SPAG16: variants seen among roughly 807,000 people sequenced by gnomAD.
SPAG16 encodes sperm-associated antigen 16 protein.
A neutral mutation model predicts 80.4 loss-of-function variants in SPAG16; 86 were observed. The observed-to-expected ratio is 1.07, with a 90% confidence interval of 0.90 to 1.28. The LOEUF (loss-of-function observed/expected upper bound fraction) is 1.28, where lower values mean the gene tolerates loss of function less well. Among genes scored for constraint, SPAG16 ranks in the 50% most tolerant of loss-of-function variants. SPAG16 has a pLI of 0.00. For synonymous variants in SPAG16, 294 were observed against 265.9 expected (o/e 1.11, Z -1.03); for missense variants, 870 against 765.3 (o/e 1.14, Z -1.61).
intron 15 of SPAG16, among the ~76,000 whole-genome samples, chr2:214,372,755 G>C (rs1274107272): frequency 6.6e-6 from 1 of 152,118 alleles, no homozygotes; most frequent in East Asian, 1.9e-4. Context: ...TTAAGGAAAT[G>C]GGATATATGT....
chr2:213,393,206 A>G (rs1014483347), intron 9 of SPAG16, among the ~76,000 whole-genome samples: 8 of 151,984 alleles, frequency 5.3e-5, no homozygotes, highest in Non-Finnish European at 1.2e-4. Flanking sequence ...AGTAAAAAAA[A>G]AATGCTGAGG....
intron 12 of SPAG16, among the ~76,000 whole-genome samples, chr2:213,963,050 TA>T (rs1339878303): frequency 6.6e-6 from 1 of 151,486 alleles, no homozygotes; most frequent in Non-Finnish European, 1.5e-5. Context: ...TTCCTACTGT[TA>T]TTTTGTTTCC....
chr2:213,894,881 T>G (rs1320447063), intron 11 of SPAG16, among the ~76,000 whole-genome samples: 1 of 148,482 alleles, frequency 6.7e-6, no homozygotes, highest in Non-Finnish European at 1.5e-5. Flanking sequence ...TCCCAGATAC[T>G]TGGGAGGCTG....
chr2:213,405,621 C>G (rs905036195), intron 9 of SPAG16, among the ~76,000 whole-genome samples: 7 of 152,186 alleles, frequency 4.6e-5, no homozygotes, highest in Non-Finnish European at 7.4e-5. Context: ...ACCTCTCTGC[C>G]TTTTCTCTCC....
At chr2:213,402,600 T>C (rs10204270) in intron 9 of SPAG16, among the ~76,000 whole-genome samples, 32,722 of 139,840 alleles carry the variant, frequency 0.23, 4,440 homozygotes, top group Non-Finnish European at 0.32. Context: ...CAACAGTCCC[T>C]GGAGTGTGAT....
chr2:213,671,960 G>C (rs1319885046), intron 10 of SPAG16, among the ~76,000 whole-genome samples: 1 of 152,118 alleles, frequency 6.6e-6, no homozygotes, highest in Non-Finnish European at 1.5e-5. Flanking sequence ...CCATTTATCT[G>C]AAAATATTTA....
At chr2:213,623,790 C>T (rs2061865598) in intron 10 of SPAG16, among the ~76,000 whole-genome samples, 1 of 152,030 alleles carries the variant, frequency 6.6e-6, no homozygotes, top group South Asian at 2.1e-4. Context: ...TAATCCAAGA[C>T]ATACCAGAGT....
chr2:214,145,934 C>CA (rs954751820), intron 14 of SPAG16, among the ~76,000 whole-genome samples: 6 of 152,088 alleles, frequency 3.9e-5, no homozygotes, highest in African/African-American at 1.4e-4. Context: ...TGCAGTGTTA[C>CA]AAAAACAATC....
chr2:213,288,971 A>C (rs975272953), intron 1 of SPAG16, among the ~76,000 whole-genome samples: 11 of 152,226 alleles, frequency 7.2e-5, no homozygotes, highest in African/African-American at 2.7e-4. Context: ...CTAAATCCAG[A>C]GTGTTGATAT....
chr2:214,365,690 T>C (rs1301850472), intron 15 of SPAG16, among the ~76,000 whole-genome samples: 1 of 152,162 alleles, frequency 6.6e-6, no homozygotes, highest in Non-Finnish European at 1.5e-5. Flanking sequence ...TTAGATCTTT[T>C]GAAATACATT....
At chr2:213,955,775 G>C (rs886285885) in intron 12 of SPAG16, among the ~76,000 whole-genome samples, 5 of 152,016 alleles carry the variant, frequency 3.3e-5, no homozygotes, top group African/African-American at 1.2e-4. Context: ...CAATACATTG[G>C]CATATAATTA....
chr2:213,440,556 A>AAACAACAACAACAACAAC (rs368614647), intron 9 of SPAG16, among the ~76,000 whole-genome samples: 1 of 151,620 alleles, frequency 6.6e-6, no homozygotes, highest in African/African-American at 2.4e-5. Flanking sequence ...CTCCATCTCA[A>AAACAACAACAACAACAAC]AACAACAACA....
chr2:213,567,260 T>G (rs1176516949), intron 10 of SPAG16, among the ~76,000 whole-genome samples: 1 of 147,694 alleles, frequency 6.8e-6, no homozygotes, highest in East Asian at 2.0e-4. Flanking sequence ...ACTCTAAGTT[T>G]TAGGGTACAT....
rs987033959 is a variant in SPAG16, at chr2:213,573,057, G to A, written c.1070+82967G>A. 8.5e-5 allele frequency among the ~76,000 whole-genome samples: 13 copies of A among 152,054 alleles called. 1 individual carries two copies. Among genetic ancestry groups the A allele is most frequent in the Non-Finnish European group, 1.5e-5 (1 of 68,026 alleles). On this transcript the variant is annotated intron_variant, in intron 10 of 15. Transcript: ENST00000331683. ...CGGAAAGGGAACTCCCTGACCCCTC[G>A]CGCTTCCCAGGTGAGGCAATGCCTC...
intron 3 of SPAG16, among the ~76,000 whole-genome samples, chr2:213,304,430 T>A (rs957933927): frequency 6.6e-6 from 1 of 152,170 alleles, no homozygotes; most frequent in Non-Finnish European, 1.5e-5. Context: ...TTGTGAAGTA[T>A]TGCTCAAGAA....
rs537086077 is a variant in SPAG16, at chr2:213,657,257, A to G, written c.1070+167167A>G. On this transcript the variant is annotated intron_variant, in intron 10 of 15. Transcript: ENST00000331683. ...ATAACTGGCTGGATTTTAAACATAC[A>G]TAAATAAGTATGTTTTAAGTCCTTC... Among the ~76,000 whole-genome samples, 95 of 152,314 alleles carry G rather than the reference A, an allele frequency of 6.2e-4. 1 individual carries two copies. Among genetic ancestry groups the G allele is most frequent in the Admixed American group, 1.2e-3 (19 of 15,304 alleles).
chr2:213,940,323 G>T (rs112074071), intron 12 of SPAG16, among the ~76,000 whole-genome samples: 107 of 152,210 alleles, frequency 7.0e-4, no homozygotes, highest in Middle Eastern at 3.4e-3. Flanking sequence ...ATGACATCTT[G>T]CTGTGTTGCC....
intron 10 of SPAG16, among the ~76,000 whole-genome samples, chr2:213,742,547 C>CTTTTTTTTTTTTTTTTTTTT (rs35850810): frequency 4.0e-5 from 1 of 24,810 alleles, no homozygotes; most frequent in African/African-American, 6.4e-5. Context: ...TTGCTTATTT[C>CTTTTTTTTTTTTTTTTTTTT]TTTTTTTTTT....
intron 13 of SPAG16, among the ~76,000 whole-genome samples, chr2:214,031,802 G>A (rs1305313467): frequency 6.6e-6 from 1 of 151,984 alleles, no homozygotes; most frequent in Non-Finnish European, 1.5e-5. Flanking sequence ...TCTTCACAGT[G>A]GTGCAGCAGG....
Sources: gnomAD v4.1 joint callset for allele counts (sites outside exome capture counted in the v4.1 genomes callset) on GRCh38, gnomAD v4.1.1 for gene constraint, MANE v1.5 for transcripts, NCBI Gene and HGNC (gene_info 2026-07-23, HGNC 2026-07-21) for gene names.